Variants in TMPRSS12 observed in about 807,000 individuals in gnomAD.
The protein encoded by TMPRSS12 is transmembrane serine protease 12, also known as transmembrane protease serine 12.
Under a neutral mutation model 26.0 loss-of-function variants are expected in TMPRSS12, and 25 were observed. That is an observed-to-expected ratio of 0.96 (90% CI 0.70 to 1.34). The LOEUF (loss-of-function observed/expected upper bound fraction) is 1.34. TMPRSS12 is among the 40% of genes most tolerant of loss of function. TMPRSS12 has a pLI of 0.00. For missense variants in TMPRSS12, 441 were observed against 440.1 expected (o/e 1.00, Z -0.02); for synonymous variants, 150 against 161.7 (o/e 0.93, Z 0.55).
Position 50,849,205 on chromosome 12 carries a change from T to C in TMPRSS12, c.383+5168T>C, listed in dbSNP as rs576521266. 3.4e-4 allele frequency among the ~76,000 whole-genome samples: 51 copies of C among 152,214 alleles called. 1 individual carries two copies. The South Asian group carries it at 9.8e-3, about 29-fold the overall frequency. ...AAAGGGAAAGAGGATACTGTTTTAA[T>C]TATCTCTATGTAACTGGAACTGAGA... On this transcript the variant is annotated intron_variant, in intron 2 of 4. Coordinates refer to ENST00000398458, the MANE Select transcript of TMPRSS12 (RefSeq NM_182559.3).
intron 2 of TMPRSS12, among the ~76,000 whole-genome samples, chr12:50,848,759 A>G (rs1431809808): frequency 6.6e-6 from 1 of 152,234 alleles, no homozygotes; most frequent in Non-Finnish European, 1.5e-5. Flanking sequence ...AGCTGTGGTC[A>G]GGGGATCTGG....
chr12:50,856,764 C>A lies in TMPRSS12; in HGVS notation c.384-2021C>A, dbSNP rs545539040. Among the ~76,000 whole-genome samples, 25 of 152,212 alleles carry A rather than the reference C, an allele frequency of 1.6e-4. No homozygotes were observed. In the South Asian group the frequency reaches 3.5e-3, roughly 21 times the overall value. ...GCAGTGGCATAGTCATGGCTCACTG[C>A]AGCCTTAACCTCCTGGGCTCAAGCA... On this transcript the variant is annotated intron_variant, in intron 2 of 4. Transcript: ENST00000398458.
chr12:50,878,938 A>C lies in TMPRSS12; in HGVS notation c.653-6308A>C, dbSNP rs560663412. ...TTAGTGCCCTTATATGAGAGGCCCC[A>C]AAAAGCTGCCTTGCCCTTCCACCAC... On this transcript the variant is annotated intron_variant, in intron 3 of 4. Transcript: ENST00000398458. 4.6e-5 allele frequency among the ~76,000 whole-genome samples: 7 copies of C among 152,326 alleles called. No homozygotes were observed. The Middle Eastern group carries it at 0.017, about 370-fold the overall frequency.
intron 2 of TMPRSS12, among the ~76,000 whole-genome samples, chr12:50,856,077 G>A (rs1937873804): frequency 6.6e-6 from 1 of 152,140 alleles, no homozygotes; most frequent in African/African-American, 2.4e-5. Flanking sequence ...GAAGTGGATT[G>A]AAAAACTAAC....
rs869152225 is a variant in TMPRSS12 at position 50,880,966 on chromosome 12, C to CTTT, written c.653-4249_653-4247dup. On this transcript the variant is annotated intron_variant, in intron 3 of 4. Coordinates refer to ENST00000398458, the MANE Select transcript of TMPRSS12 (RefSeq NM_182559.3). The stretch of plus-strand genomic sequence containing the variant: ...CTATAGAGACAGGAATCAGTAATTT[C>CTTT]TTTTTTTTTTTTTTTTTTTTTTTTT... Among the ~76,000 whole-genome samples the CTTT allele has an allele frequency of 8.9e-3, 553 of 61,796 alleles. 32 individuals are homozygous for CTTT. The highest frequency in any genetic ancestry group is 0.032 in the Middle Eastern group (2 of 62). The allele number at this position is 61,796 out of a possible 152,430, so 40.5% of individuals were successfully genotyped here.
intron 3 of TMPRSS12, 92 bp downstream of exon 3, chr12:50,859,145 T>C (rs1316655537): frequency 1.6e-6 from 2 of 1,229,174 alleles, no homozygotes; most frequent in Non-Finnish European, 2.2e-6. Flanking sequence ...TGCCACATAA[T>C]GACATTTAAG....
chr12:50,877,278 T>G (rs1265139175), intron 3 of TMPRSS12, among the ~76,000 whole-genome samples: 1 of 152,188 alleles, frequency 6.6e-6, no homozygotes, highest in African/African-American at 2.4e-5. Context: ...AAAGAGCATC[T>G]ATAAAGAATA....
chr12:50,887,502 G>C lies in TMPRSS12; in HGVS notation c.1036G>C (p.Ala346Pro). 1 of 1,611,210 alleles carries C rather than the reference G, an allele frequency of 6.2e-7. No homozygotes were observed. The highest frequency in any genetic ancestry group is 8.5e-7 in the Non-Finnish European group (1 of 1,178,734). ...LIALCFVILL[A>P]TT ...AGCTTTATGTTTTGTCATCTTACTA[G>C]CAACAACATAAAGAAATTCTGAAGG... is the stretch of plus-strand genomic sequence containing the variant. The change falls in exon 5 of 5, where the codon GCA becomes CCA. Residue 346 changes from alanine to proline, a missense_variant. Ala to Pro is a conservative substitution (Grantham distance 27). Coordinates refer to ENST00000398458, the MANE Select transcript of TMPRSS12 (RefSeq NM_182559.3).
At position 50,887,215 on chromosome 12, in the gene TMPRSS12, G is replaced by A. The variant is rs375263398; in HGVS notation, c.796-47G>A. The stretch of plus-strand genomic sequence containing the variant: ...ATTTATTCCAGTGTTACTGTTGCTT[G>A]AAGAATACTAGAAGTAACAAACACT... On this transcript the variant is annotated intron_variant, in intron 4 of 4. Transcript: ENST00000398458. 8 of 1,571,814 alleles carry A rather than the reference G, an allele frequency of 5.1e-6. No individual in the cohort carries two copies. In the African/African-American group the frequency reaches 8.2e-5, roughly 16 times the overall value.
At chr12:50,844,530 T>C (rs1937750040) in intron 2 of TMPRSS12, among the ~76,000 whole-genome samples, 1 of 152,026 alleles carries the variant, frequency 6.6e-6, no homozygotes, top group Admixed American at 6.6e-5. Context: ...CCTGCCATCA[T>C]GTCCAGCTAA....
intron 3 of TMPRSS12, among the ~76,000 whole-genome samples, chr12:50,878,113 A>G (rs893949015): frequency 1.3e-4 from 20 of 152,230 alleles, no homozygotes; most frequent in African/African-American, 4.8e-4. Context: ...TCAAAATGCC[A>G]GTAGGATTTT....
rs74926120 is a variant in TMPRSS12 at position 50,885,059 on chromosome 12, A to T, written c.653-187A>T. ...ACTCTATCTCAAAAACGAACAAACA[A>T]ACATTTAGGTAAACATTCTTCTACA... On this transcript the variant is annotated intron_variant, in intron 3 of 4. Transcript: ENST00000398458. 5.9e-3 allele frequency among the ~76,000 whole-genome samples: 905 copies of T among 152,172 alleles called. 7 individuals are homozygous for T. The highest frequency in any genetic ancestry group is 9.3e-3 in the Non-Finnish European group (632 of 68,002).
chr12:50,844,249 GGTTT>G (rs1170117878), intron 2 of TMPRSS12, among the ~76,000 whole-genome samples: 6 of 152,072 alleles, frequency 3.9e-5, no homozygotes, highest in African/African-American at 7.2e-5. Flanking sequence ...AGAACGTGCA[GGTTT>G]GTTACATAGG....
intron 2 of TMPRSS12, among the ~76,000 whole-genome samples, chr12:50,855,267 T>C (rs1266515359): frequency 6.6e-6 from 1 of 152,040 alleles, no homozygotes; most frequent in Non-Finnish European, 1.5e-5. Flanking sequence ...AAAGAAACTA[T>C]CAACAGAGTA....
At chr12:50,878,305 G>A (rs1313193916) in intron 3 of TMPRSS12, among the ~76,000 whole-genome samples, 1 of 152,166 alleles carries the variant, frequency 6.6e-6, no homozygotes, top group African/African-American at 2.4e-5. Flanking sequence ...TAGAGGCTGG[G>A]AGTGGTGGCT....
chr12:50,867,310 G>A (rs949053913), intron 3 of TMPRSS12, among the ~76,000 whole-genome samples: 1 of 152,118 alleles, frequency 6.6e-6, no homozygotes, highest in African/African-American at 2.4e-5. Flanking sequence ...GGAAACATTG[G>A]ACACACTTAC....
chr12:50,851,210 A>G lies in TMPRSS12; in HGVS notation c.383+7173A>G, dbSNP rs568281520. On this transcript the variant is annotated intron_variant, in intron 2 of 4. Transcript: ENST00000398458. The stretch of plus-strand genomic sequence containing the variant: ...AGTGATGGTTCTTAACCAGACTGAA[A>G]TGGCTGGAATGAGAGACACAGAATT... 2.0e-5 allele frequency among the ~76,000 whole-genome samples: 3 copies of G among 152,354 alleles called. No individual in the cohort carries two copies. In the South Asian group the frequency reaches 6.2e-4, roughly 32 times the overall value.
In TMPRSS12 at chr12:50,880,602, G is replaced by T. The variant is rs187154614; in HGVS notation, c.653-4644G>T. On this transcript the variant is annotated intron_variant, in intron 3 of 4. Coordinates refer to ENST00000398458, the MANE Select transcript of TMPRSS12 (RefSeq NM_182559.3). ...GGAAAGTTAAATATGCACTTACCCT[G>T]TTAAGCATAGTTACCATATGACCTA... is the stretch of plus-strand genomic sequence containing the variant. 4.7e-4 allele frequency among the ~76,000 whole-genome samples: 71 copies of T among 151,706 alleles called. 2 individuals are homozygous for T. In the East Asian group the frequency reaches 0.013, roughly 29 times the overall value.
At chr12:50,865,312 A>C (rs1420210630) in intron 3 of TMPRSS12, among the ~76,000 whole-genome samples, 2 of 152,202 alleles carry the variant, frequency 1.3e-5, no homozygotes, top group Non-Finnish European at 2.9e-5. Context: ...AGCCTGGGCA[A>C]CGAGAGCAAG....
Sources: gnomAD v4.1 joint callset for allele counts (sites outside exome capture counted in the v4.1 genomes callset) on GRCh38, gnomAD v4.1.1 for gene constraint, MANE v1.5 for transcripts, NCBI Gene and HGNC (gene_info 2026-07-23, HGNC 2026-07-21) for gene names.